Variants in RTN2 observed in about 807,000 individuals in gnomAD.
RTN2 encodes the protein reticulon-2.
Under a neutral mutation model 63.7 loss-of-function variants are expected in RTN2, and 36 were observed. That is an observed-to-expected ratio of 0.56 (90% CI 0.43 to 0.75). The LOEUF is 0.75. Ranked by LOEUF, RTN2 falls within the 30% of genes least tolerant of loss-of-function variation. The probability of loss-of-function intolerance (pLI) is 0.00; values close to 1 mark genes in which losing one functional copy is unlikely to be tolerated. For missense variants in RTN2, 673 were observed against 705.1 expected (o/e 0.95, Z 0.52); for synonymous variants, 312 against 313.0 (o/e 1.00, Z 0.03).
At chr19:45,490,245 C>G (rs1315351106) in intron 5 of RTN2, among the ~76,000 whole-genome samples, 5 of 151,978 alleles carry the variant, frequency 3.3e-5, no homozygotes, top group Non-Finnish European at 5.9e-5. Context: ...CGTGGTCCAC[C>G]CGCCTTGGCC....
rs1284451194 is a variant in RTN2, at chr19:45,494,303, T to G, written c.677A>C (p.Asp226Ala). Residue 226 changes from aspartate to alanine, a missense_variant, in exon 4 of 11, where the codon GAT (aspartate) becomes GCT (alanine). Coordinates refer to ENST00000245923, the MANE Select transcript of RTN2 (RefSeq NM_005619.5). The surrounding 1 kb of genome is among the most constrained non-coding windows in gnomAD (Gnocchi z 5.3). ...TGGCTCTTCGGGCCCAGAGTTCGAATCTCGCGATCGGGATGGGGACGGAGT... is the reference window on the plus strand; with the variant it reads ...TGGCTCTTCGGGCCCAGAGTTCGAAGCTCGCGATCGGGATGGGGACGGAGT... ...AGTPSPSRSR[D>A]SNSGPEEPLL... The G allele has an allele frequency of 3.1e-6, 5 of 1,614,060 alleles. No homozygotes were observed. Among genetic ancestry groups the G allele is most frequent in the Non-Finnish European group, 4.2e-6 (5 of 1,180,018 alleles).
intron 1 of RTN2, 102 bp downstream of exon 1, chr19:45,496,690 C>G: frequency 1.4e-6 from 1 of 739,016 alleles, no homozygotes; most frequent in Non-Finnish European, 2.0e-6. Context: ...TGCCTCCTCC[C>G]CCCATCCCGG....
Position 45,494,916 on chromosome 19 carries a change from C to T in RTN2, c.169G>A (p.Gly57Ser), listed in dbSNP as rs1275953793. Residue 57 changes from glycine to serine, a missense_variant, in exon 3 of 11, where the codon GGC becomes AGC. Transcript: ENST00000245923. The surrounding 1 kb of genome is among the most constrained non-coding windows in gnomAD (Gnocchi z 5.3). ...DEEETTSQDWGTPRELTFSYI... is the reference protein window; with the variant it reads ...DEEETTSQDWSTPRELTFSYI... Reference sequence around the variant, plus strand: ...GAGAAGGTCAGCTCCCGGGGGGTGCCCCAGTCCTGCGACGTGGTCTCCTCC... The same window carrying T: ...GAGAAGGTCAGCTCCCGGGGGGTGCTCCAGTCCTGCGACGTGGTCTCCTCC... 2 of 1,613,404 alleles carry T rather than the reference C, an allele frequency of 1.2e-6. No homozygotes were observed. Among genetic ancestry groups the T allele is most frequent in the Non-Finnish European group, 1.7e-6 (2 of 1,180,026 alleles).
intron 9 of RTN2, among the ~76,000 whole-genome samples, chr19:45,486,955 G>A (rs889774897): frequency 1.5e-4 from 21 of 137,530 alleles, no homozygotes; most frequent in Non-Finnish European, 2.8e-4. Flanking sequence ...GGCTGGTCTC[G>A]AACTCCTGAC....
At chr19:45,490,371 AT>A (rs756174819) in intron 5 of RTN2, among the ~76,000 whole-genome samples, 8 of 152,018 alleles carry the variant, frequency 5.3e-5, no homozygotes, top group Non-Finnish European at 1.2e-4. Flanking sequence ...CATTCATTTT[AT>A]TTAACCATGT....
chr19:45,492,658 C>A (rs910324991), intron 5 of RTN2, among the ~76,000 whole-genome samples: 15 of 152,202 alleles, frequency 9.9e-5, no homozygotes, highest in African/African-American at 3.6e-4. Flanking sequence ...CCAACTGACC[C>A]CTCCGACCGG....
chr19:45,494,824 G>C lies in RTN2; in HGVS notation c.261C>G (p.Arg87=). 1 of 1,603,322 alleles carries C rather than the reference G, an allele frequency of 6.2e-7. No homozygotes were observed. Among genetic ancestry groups the C allele is most frequent in the Non-Finnish European group, 8.5e-7 (1 of 1,179,804 alleles). ...GRRDSTARRP[R]PQGRSVSEPR... is the part of the protein sequence containing the mutation. The stretch of plus-strand genomic sequence containing the variant: ...GTTCCGAGACTGAGCGGCCCTGGGG[G>C]CGGGGGCGGCGGGCAGTTGAATCCC... Residue 87 remains arginine (R), a synonymous_variant, in exon 3 of 11, where the codon CGC becomes CGG. Transcript: ENST00000245923. The surrounding 1 kb of genome is among the most constrained non-coding windows in gnomAD (Gnocchi z 5.3).
At chr19:45,492,692 A>G (rs1599911753) in intron 5 of RTN2, among the ~76,000 whole-genome samples, 1 of 152,042 alleles carries the variant, frequency 6.6e-6, no homozygotes, top group Non-Finnish European at 1.5e-5. Flanking sequence ...CTCACCCCTC[A>G]CTTCCGTCTC....
chr19:45,485,654 G>A lies in RTN2; in HGVS notation c.*54C>T, dbSNP rs1467711622. 3 of 1,426,372 alleles carry A rather than the reference G, an allele frequency of 2.1e-6. No individual in the cohort carries two copies. The highest frequency in any genetic ancestry group is 2.3e-5 in the East Asian group (1 of 44,014). 88.4% of individuals were successfully genotyped at this position (1,426,372 alleles called of 1,614,324 possible). On this transcript the variant is annotated 3_prime_UTR_variant, in exon 11 of 11. Coordinates refer to ENST00000245923, the MANE Select transcript of RTN2 (RefSeq NM_005619.5). ...TGGGAACGGACAAGAGATGGAGGGGGCCAGAGGGCTGCGGGGGCTGGGGGC... is the reference window on the plus strand; with the variant it reads ...TGGGAACGGACAAGAGATGGAGGGGACCAGAGGGCTGCGGGGGCTGGGGGC...
In RTN2 at chr19:45,494,581, C is replaced by T. The variant is rs769280878; in HGVS notation, c.504G>A (p.Leu168=). ...EDSSTSSSTP[L]EDEEPQEPNR... is the part of the protein sequence containing the mutation. Reference sequence around the variant, plus strand: ...TGGGTTCTTGGGGTTCTTCGTCTTCCAGCGGGGTGGAGCTGCTGGTGGAAG... The same window carrying T: ...TGGGTTCTTGGGGTTCTTCGTCTTCTAGCGGGGTGGAGCTGCTGGTGGAAG... The change falls in exon 3 of 11, where the codon CTG becomes CTA. Residue 168 remains leucine (L), a synonymous_variant. Coordinates refer to ENST00000245923, the MANE Select transcript of RTN2 (RefSeq NM_005619.5). This position sits in a 1 kb window ranked among gnomAD's most constrained non-coding sequence, Gnocchi z 5.3. 3.1e-6 allele frequency: 5 copies of T among 1,614,114 alleles called. No homozygotes were observed. Among genetic ancestry groups the T allele is most frequent in the Non-Finnish European group, 4.2e-6 (5 of 1,180,028 alleles).
chr19:45,486,686 ATTAT>A (rs1045059710), intron 9 of RTN2, among the ~76,000 whole-genome samples: 7 of 133,510 alleles, frequency 5.2e-5, no homozygotes, highest in South Asian at 2.5e-4. Context: ...TAATTTTTGG[ATTAT>A]TTATTTATTT....
Position 45,486,119 on chromosome 19 carries a change from G to T in RTN2, c.1498-6C>A. The T allele has an allele frequency of 1.2e-6, 2 of 1,613,810 alleles. No homozygotes were observed. The highest frequency in any genetic ancestry group is 4.5e-5 in the East Asian group (2 of 44,888). ...ACATATTGGTCGATCTGAGCCTGGG[G>T]AGACCAAAGAAAGGTGAAAGAAGGG... On this transcript the variant is annotated splice_polypyrimidine_tract_variant and splice_region_variant and intron_variant, in intron 9 of 10. Coordinates refer to ENST00000245923, the MANE Select transcript of RTN2 (RefSeq NM_005619.5).
At chr19:45,496,685 C>G (rs974314645) in intron 1 of RTN2, 107 bp downstream of exon 1, 2 of 699,276 alleles carry the variant, frequency 2.9e-6, no homozygotes, top group Non-Finnish European at 4.3e-6. Context: ...TCCTATGCCT[C>G]CTCCCCCCAT....
intron 1 of RTN2, 163 bp downstream of exon 1, chr19:45,496,615 TCCGGGTCAGGCTAC>T (rs1968275978): frequency 2.5e-6 from 1 of 405,052 alleles, no homozygotes. Flanking sequence ...GTCCAGGTCC[TCCGGGTCAGGCTAC>T]CCCCGTCGCC....
At chr19:45,493,941 C>T (rs1476264414) in intron 4 of RTN2, 3 of 592,032 alleles carry the variant, frequency 5.1e-6, no homozygotes, top group Admixed American at 3.1e-5. Context: ...CCGCCCGCCT[C>T]GGCCTCCCAA....
intron 5 of RTN2, among the ~76,000 whole-genome samples, chr19:45,492,250 G>C (rs1361567487): frequency 1.3e-5 from 2 of 151,996 alleles, no homozygotes; most frequent in Non-Finnish European, 2.9e-5. Context: ...AGTGACCTTT[G>C]TACCCCAACC....
intron 9 of RTN2, among the ~76,000 whole-genome samples, chr19:45,487,680 A>C (rs1157814977): frequency 1.4e-5 from 2 of 143,752 alleles, no homozygotes; most frequent in Non-Finnish European, 3.0e-5. Flanking sequence ...ATCAAGAGTG[A>C]AGGCCAATCT....
chr19:45,490,959 T>G (rs1391932992), intron 5 of RTN2, among the ~76,000 whole-genome samples: 1 of 151,448 alleles, frequency 6.6e-6, no homozygotes, highest in Non-Finnish European at 1.5e-5. Context: ...CAATCTCGGC[T>G]CACTGCAACC....
chr19:45,490,535 C>CTCTG (rs1555797721), intron 5 of RTN2, among the ~76,000 whole-genome samples: 5 of 145,862 alleles, frequency 3.4e-5, no homozygotes, highest in African/African-American at 1.3e-4. Context: ...GGTTGTGTGT[C>CTCTG]TGTGTGTGTG....
Sources: allele counts gnomAD v4.1 joint callset (sites outside exome capture counted in the v4.1 genomes callset), GRCh38; gene constraint gnomAD v4.1.1; non-coding constraint Gnocchi (gnomAD v3.1); transcripts MANE v1.5; gene names NCBI Gene and HGNC (gene_info 2026-07-23, HGNC 2026-07-21).